The following FAP variants were observed in gnomAD, a reference collection of about 807,000 sequenced individuals.
FAP encodes the protein fibroblast activation protein alpha.
Under a neutral mutation model 126.5 loss-of-function variants are expected in FAP, and 110 were observed. That is an observed-to-expected ratio of 0.87 (90% CI 0.74 to 1.02). The LOEUF (loss-of-function observed/expected upper bound fraction) is 1.02. Ranked by LOEUF, FAP falls within the 50% of genes least tolerant of loss-of-function variation. FAP has a pLI of 0.00. For synonymous variants in FAP, 334 were observed against 297.3 expected (o/e 1.12, Z -1.27); for missense variants, 919 against 909.2 (o/e 1.01, Z -0.14).
Position 162,217,966 on chromosome 2 carries a change from G to A in FAP, c.762+20C>T, listed in dbSNP as rs1030114721. 1.3e-6 allele frequency: 2 copies of A among 1,523,618 alleles called. No individual in the cohort carries two copies. Among genetic ancestry groups the A allele is most frequent in the South Asian group, 1.3e-5 (1 of 77,426 alleles). The allele number at this position is 1,523,618 out of a possible 1,614,324, so 94.4% of individuals were successfully genotyped here. A position where few individuals can be genotyped will look rare whatever the true frequency, so the allele number is the denominator to read the frequency against. On this transcript the variant is annotated intron_variant, in intron 9 of 25. Transcript: ENST00000188790. ...TTGATACCAGGAAAATGAAAGCATC[G>A]CTGAAAGTATTCAACATACCTTTGG...
chr2:162,211,915 A>G (rs891456831), intron 11 of FAP, among the ~76,000 whole-genome samples: 13 of 151,528 alleles, frequency 8.6e-5, no homozygotes, highest in African/African-American at 2.4e-4. Context: ...GTGTGTGCGC[A>G]CACACACACA....
chr2:162,231,871 T>C (rs1689913166), intron 2 of FAP, among the ~76,000 whole-genome samples: 1 of 152,204 alleles, frequency 6.6e-6, no homozygotes, highest in African/African-American at 2.4e-5. Flanking sequence ...GGCATACAAA[T>C]GGCTGGCAGG....
intron 21 of FAP, among the ~76,000 whole-genome samples, chr2:162,177,153 G>A (rs1687515824): frequency 6.6e-6 from 1 of 152,058 alleles, no homozygotes; most frequent in Non-Finnish European, 1.5e-5. Context: ...AGAGCAGATT[G>A]GCCATGAGAA....
chr2:162,186,792 T>C (rs1687880009), intron 20 of FAP, among the ~76,000 whole-genome samples: 1 of 152,052 alleles, frequency 6.6e-6, no homozygotes, highest in African/African-American at 2.4e-5. Flanking sequence ...AAGTCCCCCA[T>C]GGAATTAAGC....
intron 20 of FAP, among the ~76,000 whole-genome samples, chr2:162,185,173 A>C (rs1028690903): frequency 1.1e-4 from 16 of 152,184 alleles, no homozygotes; most frequent in Admixed American, 3.3e-4. Flanking sequence ...TCAGTAACAA[A>C]TGAAAAGGAT....
At chr2:162,226,224 A>G (rs1379519093) in intron 3 of FAP, among the ~76,000 whole-genome samples, 2 of 152,178 alleles carry the variant, frequency 1.3e-5, no homozygotes, top group African/African-American at 4.8e-5. Flanking sequence ...GACTTCTCCT[A>G]AATAGGAATA....
In FAP at chr2:162,209,789, G is replaced by A. The variant is rs144140014; in HGVS notation, c.1047+163C>T. 1.5e-4 allele frequency: 84 copies of A among 576,644 alleles called. No homozygotes were observed. The East Asian group carries it at 1.8e-3, about 13-fold the overall frequency. 35.7% of individuals were successfully genotyped at this position (576,644 alleles called of 1,614,324 possible). A position where few individuals can be genotyped will look rare whatever the true frequency, so the allele number is the denominator to read the frequency against. ...TCTAAAAAGGACATTGAAATTGTCC[G>A]GCACAAAATCACTCAAGAGATCACT... On this transcript the variant is annotated intron_variant, in intron 12 of 25. Transcript: ENST00000188790.
At chr2:162,190,699 G>T (rs1415551685) in intron 17 of FAP, among the ~76,000 whole-genome samples, 1 of 152,036 alleles carries the variant, frequency 6.6e-6, no homozygotes, top group Non-Finnish European at 1.5e-5. Context: ...AGAGGGGCTG[G>T]ATGACTTGTG....
intron 21 of FAP, among the ~76,000 whole-genome samples, chr2:162,179,669 G>C (rs942733433): frequency 2.0e-5 from 3 of 152,004 alleles, no homozygotes; most frequent in Admixed American, 1.3e-4. Context: ...ATCCATTTGG[G>C]AGTGAGGAAA....
chr2:162,188,259 CG>C lies in FAP; in HGVS notation c.1723del (p.Arg575GlufsTer34). On this transcript the variant is annotated frameshift_variant, in exon 20 of 26. Transcript: ENST00000188790. LOFTEE classifies it high-confidence loss of function. ...EGMVIALVDG[R>X]GTAFQGDKLL... ...TTTGTCACCTTGGAAAGCTGTTCCTCGACCATCCACCAAGGCAATGACCATC... is the reference window on the plus strand; with the variant it reads ...TTTGTCACCTTGGAAAGCTGTTCCTCACCATCCACCAAGGCAATGACCATC... 6.2e-7 allele frequency: 1 copy of C among 1,613,292 alleles called. No individual in the cohort carries two copies. Among genetic ancestry groups the C allele is most frequent in the Non-Finnish European group, 8.5e-7 (1 of 1,179,506 alleles).
intron 16 of FAP, among the ~76,000 whole-genome samples, chr2:162,196,513 CAT>C (rs796605920): frequency 1.3e-5 from 2 of 149,262 alleles, no homozygotes; most frequent in African/African-American, 4.9e-5. Context: ...TGGAAACTTG[CAT>C]ATCTTTTTTT....
At chr2:162,174,094 G>A (rs531845380) in intron 22 of FAP, among the ~76,000 whole-genome samples, 4 of 152,168 alleles carry the variant, frequency 2.6e-5, no homozygotes, top group African/African-American at 9.6e-5. Flanking sequence ...GTTGAAGTAG[G>A]AATGACCTGT....
At chr2:162,232,746 A>T (rs979865007) in intron 2 of FAP, among the ~76,000 whole-genome samples, 2 of 152,120 alleles carry the variant, frequency 1.3e-5, no homozygotes, top group Non-Finnish European at 2.9e-5. Flanking sequence ...TTTTATTGTT[A>T]TGTTATATTA....
chr2:162,189,797 A>G, intron 17 of FAP, 43 bp from the exon 18 acceptor site: 1 of 1,182,526 alleles, frequency 8.5e-7, no homozygotes, highest in Non-Finnish European at 1.2e-6. Context: ...TAGTATTTCC[A>G]TAAACAATTT....
At chr2:162,221,747 C>A (rs748993512) in intron 6 of FAP, 2 of 456,518 alleles carry the variant, frequency 4.4e-6, no homozygotes, top group South Asian at 1.5e-5. Flanking sequence ...TGAGAAAAGG[C>A]GAGGGAGGAT....
chr2:162,198,698 G>C, intron 16 of FAP, 59 bp downstream of exon 16: 2 of 1,594,118 alleles, frequency 1.3e-6, no homozygotes, highest in South Asian at 2.2e-5. Flanking sequence ...AGATAGAGGT[G>C]AGGAGGATGA....
chr2:162,183,644 G>A lies in FAP; in HGVS notation c.1815-176C>T, dbSNP rs150861182. 1.5e-3 allele frequency: 845 copies of A among 557,342 alleles called. 10 individuals carry two copies. Among genetic ancestry groups the A allele is most frequent in the African/African-American group, 0.015 (762 of 52,354 alleles). 34.5% of individuals were successfully genotyped at this position (557,342 alleles called of 1,614,324 possible). A position where few individuals can be genotyped will look rare whatever the true frequency, so the allele number is the denominator to read the frequency against. On this transcript the variant is annotated intron_variant, in intron 20 of 25. Transcript: ENST00000188790. The stretch of plus-strand genomic sequence containing the variant: ...TTAAAATAATATTATCATGTTTTCT[G>A]CAAAGAGATAAAAGGATTCCCTTAG...
chr2:162,225,508 T>C lies in FAP; in HGVS notation c.260A>G (p.Tyr87Cys), dbSNP rs777080364. ...VLYNIETGQS[Y>C]TILSNRTMKS... ...CATGGTTCTATTACTCAAAATGGTA[T>C]ATGATTGTCCTGTTTCAATATTATA... is the stretch of plus-strand genomic sequence containing the variant. The change falls in exon 4 of 26, where the codon TAT (tyrosine) becomes TGT (cysteine). Residue 87 changes from tyrosine to cysteine, a missense_variant. By Grantham distance (194) the Tyr-to-Cys change is radical. Coordinates refer to ENST00000188790, the MANE Select transcript of FAP (RefSeq NM_004460.5). The C allele has an allele frequency of 6.9e-6, 11 of 1,601,188 alleles. No individual in the cohort carries two copies. Among genetic ancestry groups the C allele is most frequent in the South Asian group, 4.4e-5 (4 of 89,922 alleles).
intron 5 of FAP, among the ~76,000 whole-genome samples, chr2:162,224,066 C>A (rs1358551824): frequency 1.3e-5 from 2 of 152,046 alleles, no homozygotes; most frequent in Non-Finnish European, 2.9e-5. Context: ...TCTAATTATA[C>A]CCTTTAAAAT....
Sources: allele counts gnomAD v4.1 joint callset (sites outside exome capture counted in the v4.1 genomes callset), GRCh38; gene constraint gnomAD v4.1.1; transcripts MANE v1.5; gene names NCBI Gene and HGNC (gene_info 2026-07-23, HGNC 2026-07-21).